PRKAA1: variants seen among roughly 807,000 people sequenced by gnomAD.
PRKAA1 encodes protein kinase AMP-activated catalytic subunit alpha 1, also known as 5'-AMP-activated protein kinase catalytic subunit alpha-1.
In PRKAA1, 23 loss-of-function variants were observed where a neutral mutation model predicts 56.9. The ratio of observed to expected loss-of-function variants is 0.40; its 90% CI spans 0.29 to 0.57. The LOEUF (loss-of-function observed/expected upper bound fraction) is 0.57, where lower values mean the gene tolerates loss of function less well. PRKAA1 is among the 20% of genes least tolerant of loss of function. PRKAA1 has a pLI of 0.39. For synonymous variants in PRKAA1, 226 were observed against 227.0 expected (o/e 1.00, Z 0.04); for missense variants, 413 against 679.7 (o/e 0.61, Z 4.36).
At chr5:40,770,846 C>T (rs1743713206) in intron 4 of PRKAA1, among the ~76,000 whole-genome samples, 1 of 151,950 alleles carries the variant, frequency 6.6e-6, no homozygotes. Context: ...CCGCCTCGGC[C>T]TCCCAAAATG....
intron 1 of PRKAA1, among the ~76,000 whole-genome samples, chr5:40,791,249 CCT>C (rs1279469939): frequency 6.6e-6 from 1 of 152,210 alleles, no homozygotes; most frequent in African/African-American, 2.4e-5. Context: ...GGGATTCCCC[CCT>C]TTTTCAAAAT....
At chr5:40,797,193 T>G (rs781385114) in intron 1 of PRKAA1, among the ~76,000 whole-genome samples, 3 of 152,218 alleles carry the variant, frequency 2.0e-5, no homozygotes, top group Non-Finnish European at 4.4e-5. Flanking sequence ...GTCACCCGAA[T>G]GCTGTACAAT....
intron 3 of PRKAA1, among the ~76,000 whole-genome samples, chr5:40,775,176 T>C (rs1475891257): frequency 6.6e-6 from 1 of 152,252 alleles, no homozygotes; most frequent in East Asian, 1.9e-4. Context: ...ATCACGTTAC[T>C]GTGAGCAATC....
At chr5:40,770,978 ATTTT>A (rs1743720129) in intron 4 of PRKAA1, among the ~76,000 whole-genome samples, 1 of 151,990 alleles carries the variant, frequency 6.6e-6, no homozygotes, top group Non-Finnish European at 1.5e-5. Flanking sequence ...TTTTAAATAA[ATTTT>A]TTTAATTAAA....
rs1324300179 is a variant in PRKAA1 at position 40,759,504 on chromosome 5, C to G, written c.*3274G>C. 6.6e-6 allele frequency: 1 copy of G among 152,150 alleles called. No homozygotes were observed. The highest frequency in any genetic ancestry group is 1.5e-5 in the Non-Finnish European group (1 of 67,996). 9.4% of individuals were successfully genotyped at this position (152,150 alleles called of 1,614,324 possible). ...ACCACAAATATTAACTTCTACCTACCAACAATTTACAGTTATGTTGTATGT... is the reference window on the plus strand; with the variant it reads ...ACCACAAATATTAACTTCTACCTACGAACAATTTACAGTTATGTTGTATGT... On this transcript the variant is annotated 3_prime_UTR_variant, in exon 9 of 9. Transcript: ENST00000397128.
intron 5 of PRKAA1, among the ~76,000 whole-genome samples, chr5:40,767,958 C>G (rs1185015076): frequency 6.6e-6 from 1 of 152,170 alleles, no homozygotes; most frequent in Non-Finnish European, 1.5e-5. Flanking sequence ...AAATCTTGAA[C>G]AAACATATCA....
chr5:40,775,730 A>G (rs1743971346), intron 2 of PRKAA1, among the ~76,000 whole-genome samples: 1 of 152,206 alleles, frequency 6.6e-6, no homozygotes, highest in Admixed American at 6.5e-5. Context: ...GAAGAAAAAT[A>G]AAGCAAATGA....
intron 8 of PRKAA1, among the ~76,000 whole-genome samples, chr5:40,763,345 T>C (rs915802966): frequency 5.3e-5 from 8 of 152,202 alleles, no homozygotes; most frequent in African/African-American, 1.7e-4. Context: ...AATCCCTCTA[T>C]ATTAAAATCA....
chr5:40,775,366 G>C, intron 3 of PRKAA1, 44 bp downstream of exon 3: 1 of 1,438,292 alleles, frequency 7.0e-7, no homozygotes, highest in Admixed American at 1.7e-5. Context: ...AAAGGATAAA[G>C]GGGAGTTACA....
chr5:40,795,006 T>TACACACACACACACACAC lies in PRKAA1; in HGVS notation c.127+3056_127+3057insGTGTGTGTGTGTGTGTGT, dbSNP rs1468122343. 5.6e-4 allele frequency among the ~76,000 whole-genome samples: 79 copies of TACACACACACACACACAC among 139,952 alleles called. No homozygotes were observed. The East Asian group carries it at 8.8e-3, about 16-fold the overall frequency. 91.8% of individuals were successfully genotyped at this position (139,952 alleles called of 152,430 possible). ...AAAGAAACTGTGGTGTATACATATA[T>TACACACACACACACACAC]ATACACACACACACACACACACACA... On this transcript the variant is annotated intron_variant, in intron 1 of 8. Coordinates refer to ENST00000397128, the MANE Select transcript of PRKAA1 (RefSeq NM_006251.6).
Position 40,762,359 on chromosome 5 carries a change from C to G in PRKAA1, c.*419G>C, listed in dbSNP as rs2111969296. Reference sequence around the variant, plus strand: ...TAGCTATTTATGAAGTTAAGGAGCCCAGAAAACAAAATCACCTATAAAGGT... The same window carrying G: ...TAGCTATTTATGAAGTTAAGGAGCCGAGAAAACAAAATCACCTATAAAGGT... On this transcript the variant is annotated 3_prime_UTR_variant, in exon 9 of 9. Transcript: ENST00000397128. 1 of 166,548 alleles carries G rather than the reference C, an allele frequency of 6.0e-6. No homozygotes were observed. Among genetic ancestry groups the G allele is most frequent in the East Asian group, 1.7e-4 (1 of 5,892 alleles). 10.3% of individuals were successfully genotyped at this position (166,548 alleles called of 1,614,324 possible). A position where few individuals can be genotyped will look rare whatever the true frequency, so the allele number is the denominator to read the frequency against.
chr5:40,774,549 ATTT>A (rs34814119), intron 3 of PRKAA1, among the ~76,000 whole-genome samples: 8 of 125,078 alleles, frequency 6.4e-5, no homozygotes, highest in East Asian at 2.4e-4. Flanking sequence ...TCCAGGCAGA[ATTT>A]TTTTTTTTTT....
intron 1 of PRKAA1, among the ~76,000 whole-genome samples, chr5:40,789,052 C>T (rs908740721): frequency 1.3e-5 from 2 of 151,546 alleles, no homozygotes; most frequent in African/African-American, 4.8e-5. Context: ...CTCTATAAAA[C>T]ATACATAAAT....
intron 1 of PRKAA1, among the ~76,000 whole-genome samples, chr5:40,782,386 A>G (rs562237576): frequency 4.6e-5 from 7 of 152,204 alleles, no homozygotes; most frequent in Non-Finnish European, 8.8e-5. Flanking sequence ...CATGCCAGTT[A>G]ATGCTGCTGG....
At position 40,762,884 on chromosome 5, in the gene PRKAA1, A is replaced by T; in HGVS notation, c.1574T>A (p.Val525Glu). ...KSSEVSLTSSVTSLDSSPVDL... is the reference protein window; with the variant it reads ...KSSEVSLTSSETSLDSSPVDL... Reference sequence around the variant, plus strand: ...AACAGGAGAAGAGTCAAGTGAGGTCACAGATGAGGTAAGAGAAACTTCTGA... The same window carrying T: ...AACAGGAGAAGAGTCAAGTGAGGTCTCAGATGAGGTAAGAGAAACTTCTGA... The change falls in exon 9 of 9, where the codon GTG (valine) becomes GAG (glutamate). Residue 525 changes from valine to glutamate, a missense_variant. By Grantham distance (121) the Val-to-Glu change is moderately radical. Coordinates refer to ENST00000397128, the MANE Select transcript of PRKAA1 (RefSeq NM_006251.6). The T allele has an allele frequency of 3.1e-6, 5 of 1,614,216 alleles. No homozygotes were observed. The highest frequency in any genetic ancestry group is 4.2e-6 in the Non-Finnish European group (5 of 1,180,036).
chr5:40,769,433 T>C lies in PRKAA1; in HGVS notation c.579A>G (p.Pro193=), dbSNP rs1198632881. 4 of 1,608,326 alleles carry C rather than the reference T, an allele frequency of 2.5e-6. No individual in the cohort carries two copies. The highest frequency in any genetic ancestry group is 1.1e-5 in the South Asian group (1 of 90,338). Residue 193 remains proline, a synonymous_variant, in exon 5 of 9, where the codon CCA becomes CCG. Coordinates refer to ENST00000397128, the MANE Select transcript of PRKAA1 (RefSeq NM_006251.6). ...TSCGSPNYAA[P]EVISGRLYAG... The stretch of plus-strand genomic sequence containing the variant: ...AATACTACCTTCCTGAAATTACTTC[T>C]GGTGCAGCATAGTTGGGTGAGCCAC...
intron 1 of PRKAA1, among the ~76,000 whole-genome samples, chr5:40,793,819 A>G (rs557507348): frequency 6.6e-6 from 1 of 152,226 alleles, no homozygotes; most frequent in African/African-American, 2.4e-5. Context: ...GATGTCTCCC[A>G]GCCCAGCACG....
chr5:40,798,015 C>A, intron 1 of PRKAA1, 48 bp downstream of exon 1: 1 of 1,595,190 alleles, frequency 6.3e-7, no homozygotes, highest in South Asian at 1.1e-5. Context: ...AAGCGGAAGT[C>A]GTGCGGCTCC....
chr5:40,783,513 C>T (rs1744348096), intron 1 of PRKAA1, among the ~76,000 whole-genome samples: 1 of 152,092 alleles, frequency 6.6e-6, no homozygotes, highest in African/African-American at 2.4e-5. Flanking sequence ...AATCCCAGCA[C>T]TTTGGAGGAC....
Sources: gnomAD v4.1 joint callset for allele counts (sites outside exome capture counted in the v4.1 genomes callset) on GRCh38, gnomAD v4.1.1 for gene constraint, MANE v1.5 for transcripts, NCBI Gene and HGNC (gene_info 2026-07-23, HGNC 2026-07-21) for gene names.